ASCC3: variants seen among roughly 807,000 people sequenced by gnomAD.
ASCC3 encodes activating signal cointegrator 1 complex subunit 3.
ASCC3 carries 158 observed loss-of-function variants against 256.3 expected under a neutral mutation model. The ratio of observed to expected loss-of-function variants is 0.62; its 90% CI spans 0.54 to 0.70. The LOEUF (loss-of-function observed/expected upper bound fraction) is 0.70. Ranked by LOEUF, ASCC3 falls within the 30% of genes least tolerant of loss-of-function variation. The pLI, the probability that ASCC3 is intolerant of heterozygous loss-of-function variation, is 0.00. For missense variants in ASCC3, 2,259 were observed against 2,626.0 expected (o/e 0.86, Z 3.05); for synonymous variants, 948 against 883.4 (o/e 1.07, Z -1.30).
At chr6:100,786,916 T>C (rs796800965) in intron 8 of ASCC3, among the ~76,000 whole-genome samples, 5 of 152,312 alleles carry the variant, frequency 3.3e-5, no homozygotes, top group African/African-American at 9.6e-5. Context: ...TGATTATCTA[T>C]ATTTAAAAAT....
In ASCC3 at chr6:100,540,219, G is replaced by A; in HGVS notation, c.5719C>T (p.Pro1907Ser). Residue 1907 changes from proline (P) to serine (S), a missense_variant, in exon 37 of 42, where the codon CCA becomes TCA. Pro to Ser is a moderately conservative substitution (Grantham distance 74). This residue lies in a region of ASCC3 where 1,839 missense variants were observed against 2,206.7 expected (regional missense o/e 0.83). Transcript: ENST00000369162. ...GTTTTGGTATCAGTGTCATAATCTG[G>A]GCAGGGTAGCATGGCTCGGCTGAGA... is the stretch of plus-strand genomic sequence containing the variant. ...AHLSRAMLPC[P>S]DYDTDTKTVL... The A allele has an allele frequency of 1.2e-6, 2 of 1,614,044 alleles. No individual in the cohort carries two copies. The highest frequency in any genetic ancestry group is 8.5e-7 in the Non-Finnish European group (1 of 1,179,992).
At chr6:100,760,365 T>C (rs1781367685) in intron 10 of ASCC3, among the ~76,000 whole-genome samples, 1 of 152,168 alleles carries the variant, frequency 6.6e-6, no homozygotes, top group Non-Finnish European at 1.5e-5. Context: ...CATGAAGGGA[T>C]GTTGAATTTT....
In ASCC3 at chr6:100,512,917, G is replaced by A. The variant is rs1466237366; in HGVS notation, c.6077C>T (p.Ala2026Val). ...SELHAAKTKQ[A>V]WNFLSHLPVI... ...TGGCAAGTGAGATAAGAAATTCCAT[G>A]CCTAAATAAAAAGAGAAAAGAAACA... Residue 2026 changes from alanine to valine, a missense_variant and splice_region_variant, in exon 40 of 42, where the codon GCA (alanine) becomes GTA (valine). By Grantham distance (64) the Ala-to-Val change is moderately conservative (BLOSUM62 0). Coordinates refer to ENST00000369162, the MANE Select transcript of ASCC3 (RefSeq NM_006828.4). 7 of 1,612,486 alleles carry A rather than the reference G, an allele frequency of 4.3e-6. No individual in the cohort carries two copies. Among genetic ancestry groups the A allele is most frequent in the Non-Finnish European group, 5.1e-6 (6 of 1,179,264 alleles).
chr6:100,868,520 C>T (rs1198424126), intron 1 of ASCC3, among the ~76,000 whole-genome samples: 1 of 152,224 alleles, frequency 6.6e-6, no homozygotes, highest in East Asian at 1.9e-4. Flanking sequence ...ACCACCCCAT[C>T]TAAAACAGGC....
At chr6:100,767,481 T>A in intron 8 of ASCC3, 136 bp from the exon 9 acceptor site, 1 of 878,812 alleles carries the variant, frequency 1.1e-6, no homozygotes, top group Non-Finnish European at 1.8e-6. Flanking sequence ...GTCTTTTATT[T>A]AAACGGAGGT....
chr6:100,867,537 G>GAATTTTACCAGAGACCTACTGGTA (rs1278018879), intron 2 of ASCC3, among the ~76,000 whole-genome samples: 1 of 151,792 alleles, frequency 6.6e-6, no homozygotes. Flanking sequence ...CATTTGATAA[G>GAATTTTACCAGAGACCTACTGGTA]AATTTTACCA....
chr6:100,660,027 A>G (rs1776115155), intron 16 of ASCC3, among the ~76,000 whole-genome samples: 1 of 151,556 alleles, frequency 6.6e-6, no homozygotes, highest in Non-Finnish European at 1.5e-5. Flanking sequence ...ACGTGCATGA[A>G]AGAACCATGC....
intron 39 of ASCC3, 126 bp downstream of exon 39, chr6:100,516,054 G>T: frequency 8.7e-7 from 1 of 1,149,104 alleles, no homozygotes; most frequent in Non-Finnish European, 1.3e-6. Flanking sequence ...AATCATAGTA[G>T]TAAATGGCAG....
intron 4 of ASCC3, among the ~76,000 whole-genome samples, chr6:100,842,908 C>T (rs184970265): frequency 1.7e-4 from 26 of 152,044 alleles, no homozygotes; most frequent in Admixed American, 1.6e-3. Flanking sequence ...CCAGGAGTTA[C>T]AGGTTATAGT....
At chr6:100,743,705 G>A (rs1780538023) in intron 10 of ASCC3, among the ~76,000 whole-genome samples, 1 of 152,096 alleles carries the variant, frequency 6.6e-6, no homozygotes, top group South Asian at 2.1e-4. Flanking sequence ...GATATATTAT[G>A]AAGGTTTAAT....
chr6:100,551,250 C>G (rs1769285371), intron 36 of ASCC3, among the ~76,000 whole-genome samples: 1 of 151,928 alleles, frequency 6.6e-6, no homozygotes, highest in Non-Finnish European at 1.5e-5. Context: ...CAAAAAGAGA[C>G]ATGACTCTCT....
At chr6:100,869,740 A>T (rs1198312380) in intron 1 of ASCC3, among the ~76,000 whole-genome samples, 1 of 152,192 alleles carries the variant, frequency 6.6e-6, no homozygotes, top group African/African-American at 2.4e-5. Context: ...TGAACTGCAA[A>T]ATAACAAAAA....
rs68095280 is a variant in ASCC3, at chr6:100,670,565, T to TC, written c.2287-8030dup. ...ATGTTCAGAACAGATACAACCATCTTCCCCCCCCCCAAATTCTTTTAATCT... is the reference window on the plus strand; with the variant it reads ...ATGTTCAGAACAGATACAACCATCTTCCCCCCCCCCCAAATTCTTTTAATCT... On this transcript the variant is annotated intron_variant, in intron 14 of 41. Transcript: ENST00000369162. Among the ~76,000 whole-genome samples the TC allele has an allele frequency of 4.6e-3, 565 of 121,744 alleles. 6 individuals carry two copies. The highest frequency in any genetic ancestry group is 5.3e-3 in the Non-Finnish European group (303 of 57,188). 79.9% of individuals were successfully genotyped at this position (121,744 alleles called of 152,430 possible). A position where few individuals can be genotyped will look rare whatever the true frequency, so the allele number is the denominator to read the frequency against.
chr6:100,539,028 C>T (rs1233661284), intron 37 of ASCC3, among the ~76,000 whole-genome samples: 1 of 152,074 alleles, frequency 6.6e-6, no homozygotes, highest in Non-Finnish European at 1.5e-5. Context: ...TGGAGAAAAG[C>T]CTTGAAATAA....
intron 30 of ASCC3, among the ~76,000 whole-genome samples, chr6:100,613,106 TA>T (rs1184290118): frequency 3.3e-5 from 5 of 151,608 alleles, no homozygotes; most frequent in Non-Finnish European, 5.9e-5. Flanking sequence ...AAATTTGTCT[TA>T]AAATATTTTT....
intron 3 of ASCC3, among the ~76,000 whole-genome samples, chr6:100,852,785 C>A (rs1772747364): frequency 6.6e-6 from 1 of 152,054 alleles, no homozygotes; most frequent in Non-Finnish European, 1.5e-5. Context: ...AACTTTGTAT[C>A]CATAAAACAC....
intron 4 of ASCC3, among the ~76,000 whole-genome samples, chr6:100,841,744 C>G (rs1179299225): frequency 4.6e-5 from 7 of 151,794 alleles, no homozygotes; most frequent in Non-Finnish European, 1.0e-4. Context: ...AAAAGACAGT[C>G]ATATAGGAGT....
At chr6:100,873,600 G>A (rs1215486481) in intron 1 of ASCC3, among the ~76,000 whole-genome samples, 2 of 152,106 alleles carry the variant, frequency 1.3e-5, no homozygotes, top group Non-Finnish European at 2.9e-5. Flanking sequence ...TTAATATGAA[G>A]GAAGGAATCT....
intron 36 of ASCC3, among the ~76,000 whole-genome samples, chr6:100,588,034 T>C (rs1040457206): frequency 6.6e-6 from 1 of 152,140 alleles, no homozygotes; most frequent in South Asian, 2.1e-4. Context: ...ATTATGTGCA[T>C]GTGTGCATAT....
Sources: allele counts gnomAD v4.1 joint callset (sites outside exome capture counted in the v4.1 genomes callset), GRCh38; gene constraint gnomAD v4.1.1; regional missense constraint gnomAD v4.1.1; transcripts MANE v1.5; gene names NCBI Gene and HGNC (gene_info 2026-07-23, HGNC 2026-07-21).